The following LTF variants were observed in gnomAD, a reference collection of about 807,000 sequenced individuals.
LTF encodes the protein lactotransferrin, also known as epididymis luminal protein 110.
LTF carries 91 observed loss-of-function variants against 87.2 expected under a neutral mutation model. The observed-to-expected ratio is 1.04, with a 90% CI of 0.88 to 1.24. The LOEUF (loss-of-function observed/expected upper bound fraction) is 1.24, where lower values mean the gene tolerates loss of function less well. Among genes scored for constraint, LTF ranks in the 50% most tolerant of loss-of-function variants. LTF has a pLI of 0.00. For synonymous variants in LTF, 378 were observed against 356.1 expected (o/e 1.06, Z -0.69); for missense variants, 901 against 904.3 (o/e 1.00, Z 0.05).
At chr3:46,455,182 C>T (rs1252440345) in intron 5 of LTF, 113 bp downstream of exon 5, 3 of 1,298,280 alleles carry the variant, frequency 2.3e-6, no homozygotes, top group East Asian at 4.6e-5. Flanking sequence ...GAGAACAGAC[C>T]TCCTCTCGTC....
chr3:46,454,429 G>T, intron 5 of LTF, 69 bp from the exon 6 acceptor site: 1 of 1,274,984 alleles, frequency 7.8e-7, no homozygotes, highest in Non-Finnish European at 1.1e-6. Context: ...TGGAACAGTA[G>T]CCCTGGCACT....
At chr3:46,467,550 A>G (rs1285557427), upstream of LTF, among the ~76,000 whole-genome samples, 1 of 152,154 alleles carries the variant, frequency 6.6e-6, no homozygotes, top group Non-Finnish European at 1.5e-5. Context: ...GCTTGGGAGC[A>G]TGAACCCAGT....
At chr3:46,458,095 T>C (rs1221290805) in intron 2 of LTF, among the ~76,000 whole-genome samples, 1 of 152,198 alleles carries the variant, frequency 6.6e-6, no homozygotes, top group Non-Finnish European at 1.5e-5. Flanking sequence ...TGAGTTATTC[T>C]TTTATAGAGT....
Position 46,437,982 on chromosome 3 carries a change from A to T in LTF, c.2056T>A (p.Tyr686Asn). The change falls in exon 16 of 17, where the codon TAT (tyrosine) becomes AAT (asparagine). Residue 686 changes from tyrosine to asparagine, a missense_variant. Transcript: ENST00000231751. ...TTCAGATTAGTAATGCCTGCGACAT[A>T]CTGTGGTCCCAAATATTTTTCATAT... Reference protein sequence around the residue: ...TTYEKYLGPQYVAGITNLKKC... With the variant: ...TTYEKYLGPQNVAGITNLKKC... The T allele has an allele frequency of 6.2e-7, 1 of 1,613,894 alleles. No homozygotes were observed. Among genetic ancestry groups the T allele is most frequent in the African/African-American group, 1.3e-5 (1 of 74,940 alleles).
At chr3:46,441,244 G>A (rs978888717) in intron 14 of LTF, among the ~76,000 whole-genome samples, 172 bp downstream of exon 14, 22 of 152,088 alleles carry the variant, frequency 1.4e-4, no homozygotes, top group Admixed American at 1.3e-3. Flanking sequence ...AAATCCATAT[G>A]ACACCTACAG....
chr3:46,445,373 C>T lies in LTF; in HGVS notation c.1421G>A (p.Gly474Asp). The T allele has an allele frequency of 6.2e-7, 1 of 1,614,022 alleles. No homozygotes were observed. Among genetic ancestry groups the T allele is most frequent in the Non-Finnish European group, 8.5e-7 (1 of 1,179,932 alleles). ...DTSLTWNSVKGKKSCHTAVDR... is the reference protein window; with the variant it reads ...DTSLTWNSVKDKKSCHTAVDR... The stretch of plus-strand genomic sequence containing the variant: ...CACGGCGGTGTGGCAGGACTTCTTG[C>T]CTTTCACAGAGTTCCAGGTAAGGCT... Residue 474 changes from glycine (G) to aspartate (D), a missense_variant, in exon 12 of 17, where the codon GGC becomes GAC. Gly to Asp is a moderately conservative substitution (Grantham distance 94, BLOSUM62 -1). Coordinates refer to ENST00000231751, the MANE Select transcript of LTF (RefSeq NM_002343.6).
In LTF at chr3:46,483,789, A is replaced by G. The variant is rs144671894; in HGVS notation, c.-320+1197T>C. 5.3e-4 allele frequency among the ~76,000 whole-genome samples: 81 copies of G among 152,270 alleles called. 1 individual carries two copies. In the East Asian group the frequency reaches 0.014, roughly 27 times the overall value. On this transcript the variant is annotated intron_variant, in intron 1 of 19. Coordinates refer to the LTF transcript ENST00000443496. ...TATATGTAGGTTAGGTGTCAGTATA[A>G]AGTTTATTTTATTTTATTTAGTTTA...
At chr3:46,479,175 G>A (rs1275765776) in intron 1 of LTF, among the ~76,000 whole-genome samples, 1 of 152,222 alleles carries the variant, frequency 6.6e-6, no homozygotes, top group Non-Finnish European at 1.5e-5. Context: ...GCGTGGTAGG[G>A]AATCTGCCTC....
chr3:46,455,592 C>T, intron 4 of LTF, 150 bp from the exon 5 acceptor site: 1 of 1,140,420 alleles, frequency 8.8e-7, no homozygotes, highest in Non-Finnish European at 1.2e-6. Flanking sequence ...TCGAGACATG[C>T]ACCTCTGCCG....
At position 46,474,827 on chromosome 3, in the gene LTF, C is replaced by T. The variant is rs1384614590; in HGVS notation, c.-319-4361G>A. Among the ~76,000 whole-genome samples the T allele has an allele frequency of 2.6e-5, 4 of 152,092 alleles. No homozygotes were observed. In the East Asian group the frequency reaches 7.7e-4, roughly 29 times the overall value. On this transcript the variant is annotated intron_variant, in intron 1 of 19. Coordinates refer to the LTF transcript ENST00000443496. ...AGAGAAATCTCCAAACAGTTAGAAA[C>T]TAAATATCACACTTCTAAATCATCA...
chr3:46,476,263 G>A (rs554693031), intron 1 of LTF, among the ~76,000 whole-genome samples: 1 of 152,264 alleles, frequency 6.6e-6, no homozygotes, highest in South Asian at 2.1e-4. Flanking sequence ...ATCTCAGAAG[G>A]CAAGCTTTCA....
chr3:46,444,238 G>A (rs1270556595), intron 12 of LTF, among the ~76,000 whole-genome samples: 11 of 152,176 alleles, frequency 7.2e-5, no homozygotes, highest in East Asian at 3.8e-4. Context: ...CACACAAATG[G>A]CAGAGTAGCC....
chr3:46,471,368 C>T lies in LTF; in HGVS notation c.-319-902G>A, dbSNP rs531177270. 5.3e-5 allele frequency among the ~76,000 whole-genome samples: 8 copies of T among 152,290 alleles called. No individual in the cohort carries two copies. In the South Asian group the frequency reaches 6.2e-4, roughly 12 times the overall value. On this transcript the variant is annotated intron_variant, in intron 1 of 19. Transcript: ENST00000443496. ...TCTGCCTTAAACACCTATGTCTATA[C>T]GGGTTATGGATGCCTGCCATAGGGA... is the stretch of plus-strand genomic sequence containing the variant.
At chr3:46,482,659 A>AGAAAGCAAGAAAGAAAGAAGGAAG (rs1553668626) in intron 1 of LTF, among the ~76,000 whole-genome samples, 2 of 60,268 alleles carry the variant, frequency 3.3e-5, no homozygotes, top group Non-Finnish European at 3.2e-5. Context: ...AAAGAAAGAA[A>AGAAAGCAAGAAAGAAAGAAGGAAG]GAAGGAAGGA....
At chr3:46,445,212 TA>T (rs1278920088) in intron 12 of LTF, 68 bp downstream of exon 12, 2 of 1,450,660 alleles carry the variant, frequency 1.4e-6, no homozygotes, top group Non-Finnish European at 1.9e-6. Context: ...CTCCCTTCCC[TA>T]AGGTTCCACA....
chr3:46,444,380 T>C (rs961605328), intron 12 of LTF, among the ~76,000 whole-genome samples: 4 of 152,224 alleles, frequency 2.6e-5, no homozygotes, highest in African/African-American at 9.6e-5. Context: ...GAGTTTTCTG[T>C]TCCTTGCAGC....
At chr3:46,455,240 G>C (rs1000449134) in intron 5 of LTF, 55 bp downstream of exon 5, 4 of 1,610,780 alleles carry the variant, frequency 2.5e-6, no homozygotes, top group South Asian at 2.2e-5. Context: ...AAGGCCTCCC[G>C]GCCTGAGGCC....
chr3:46,444,640 G>A (rs1238231512), intron 12 of LTF, among the ~76,000 whole-genome samples: 3 of 152,170 alleles, frequency 2.0e-5, no homozygotes, highest in Admixed American at 6.5e-5. Flanking sequence ...TGCCTGCCCC[G>A]GCCAGGATCA....
At position 46,455,986 on chromosome 3, in the gene LTF, G is replaced by GTA; in HGVS notation, c.317-9_317-8insTA. 1 of 1,557,182 alleles carries GTA rather than the reference G, an allele frequency of 6.4e-7. No individual in the cohort carries two copies. The highest frequency in any genetic ancestry group is 2.3e-5 in the East Asian group (1 of 44,332). ...AATAGTGAGTTCGTGGCTCTGCAAA[G>GTA]GGGCAGACAGAATTGAAAGTTCTTA... On this transcript the variant is annotated splice_polypyrimidine_tract_variant and intron_variant, in intron 3 of 16. Coordinates refer to ENST00000231751, the MANE Select transcript of LTF (RefSeq NM_002343.6).
Sources: gnomAD v4.1 joint callset for allele counts (sites outside exome capture counted in the v4.1 genomes callset) on GRCh38, gnomAD v4.1.1 for gene constraint, MANE v1.5 for transcripts, NCBI Gene and HGNC (gene_info 2026-07-23, HGNC 2026-07-21) for gene names.